The following GABRR2 variants were observed in gnomAD, a reference collection of about 807,000 sequenced individuals.
The protein encoded by GABRR2 is gamma-aminobutyric acid type A receptor subunit rho2.
A neutral mutation model predicts 47.0 loss-of-function variants in GABRR2; 36 were observed. The ratio of observed to expected loss-of-function variants is 0.77; its 90% CI spans 0.59 to 1.01. The LOEUF (loss-of-function observed/expected upper bound fraction) is 1.01. Among genes scored for constraint, GABRR2 ranks in the 50% least tolerant of loss-of-function variants. The pLI is 0.00. For missense variants in GABRR2, 587 were observed against 594.6 expected (o/e 0.99, Z 0.13); for synonymous variants, 204 against 227.5 (o/e 0.90, Z 0.93).
intron 4 of GABRR2, among the ~76,000 whole-genome samples, chr6:89,268,518 G>A (rs1054562590): frequency 4.6e-5 from 7 of 152,144 alleles, no homozygotes; most frequent in Non-Finnish European, 7.3e-5. Context: ...GGGGATGTGG[G>A]ACAATGAGCT....
chr6:89,312,943 C>T (rs549743338), intron 1 of GABRR2, among the ~76,000 whole-genome samples: 8 of 152,302 alleles, frequency 5.3e-5, no homozygotes, highest in African/African-American at 1.2e-4. Flanking sequence ...GGCTCATGCG[C>T]GGGTTTGGGA....
intron 1 of GABRR2, among the ~76,000 whole-genome samples, chr6:89,312,634 C>T (rs981874047): frequency 1.3e-5 from 2 of 152,132 alleles, no homozygotes; most frequent in Non-Finnish European, 2.9e-5. Flanking sequence ...CTTATTTGTT[C>T]GTATAGCTTG....
intron 2 of GABRR2, among the ~76,000 whole-genome samples, chr6:89,275,965 A>C (rs1774151352): frequency 6.6e-6 from 1 of 151,966 alleles, no homozygotes; most frequent in African/African-American, 2.4e-5. Context: ...GCCACCAGGC[A>C]CCTGGCAGAA....
Position 89,269,077 on chromosome 6 carries a change from T to A in GABRR2, c.446A>T (p.His149Leu). ...FFVHSKRSFT[H>L]DTTTDNIMLR... is the part of the protein sequence containing the mutation. ...CATGATGTTGTCAGTGGTGGTGTCA[T>A]GAGTGAACGATCTTTTGGAGTGAAC... Residue 149 changes from histidine to leucine, a missense_variant, in exon 4 of 9, where the codon CAT becomes CTT. His to Leu is a moderately conservative substitution (Grantham distance 99, BLOSUM62 -3). Coordinates refer to ENST00000402938, the MANE Select transcript of GABRR2 (RefSeq NM_002043.5). 1 of 1,614,036 alleles carries A rather than the reference T, an allele frequency of 6.2e-7. No homozygotes were observed. Among genetic ancestry groups the A allele is most frequent in the Non-Finnish European group, 8.5e-7 (1 of 1,179,888 alleles).
At chr6:89,296,962 A>G (rs995511741) in intron 2 of GABRR2, among the ~76,000 whole-genome samples, 1 of 152,206 alleles carries the variant, frequency 6.6e-6, no homozygotes, top group East Asian at 1.9e-4. Flanking sequence ...CTTCTTCTAC[A>G]TACTGAAGGT....
rs1582463362 is a variant in GABRR2 at position 89,302,031 on chromosome 6, T to G, written c.114-2166A>C. 18 of 671,928 alleles carry G rather than the reference T, an allele frequency of 2.7e-5. No homozygotes were observed. In the East Asian group the frequency reaches 4.7e-4, roughly 18 times the overall value. 41.6% of individuals were successfully genotyped at this position (671,928 alleles called of 1,614,324 possible). A position where few individuals can be genotyped will look rare whatever the true frequency, so the allele number is the denominator to read the frequency against. On this transcript the variant is annotated intron_variant, in intron 1 of 8. Coordinates refer to ENST00000402938, the MANE Select transcript of GABRR2 (RefSeq NM_002043.5). ...GTCGGCTCGGGGCCTTTTGGACATT[T>G]TTTCAGGCCTGACAATTTAATCTTT... is the stretch of plus-strand genomic sequence containing the variant.
At position 89,264,628 on chromosome 6, in the gene GABRR2, T is replaced by C. The variant is rs755321184; in HGVS notation, c.890-20A>G. The C allele has an allele frequency of 6.2e-7, 1 of 1,613,388 alleles. No homozygotes were observed. Among genetic ancestry groups the C allele is most frequent in the Non-Finnish European group, 8.5e-7 (1 of 1,179,570 alleles). On this transcript the variant is annotated intron_variant, in intron 7 of 8. Transcript: ENST00000402938. ...TGATACCTGCAACACCCGGCCTTAG[T>C]TGGGCTGCTGACAGCGGTCTAGAAC...
chr6:89,296,840 G>A (rs1774563514), intron 2 of GABRR2, among the ~76,000 whole-genome samples: 1 of 152,220 alleles, frequency 6.6e-6, no homozygotes, highest in Non-Finnish European at 1.5e-5. Context: ...GCTAGCTCCT[G>A]GTGGGAGCAT....
At chr6:89,310,391 G>A (rs1767660794) in intron 1 of GABRR2, among the ~76,000 whole-genome samples, 3 of 152,140 alleles carry the variant, frequency 2.0e-5, no homozygotes, top group Admixed American at 1.3e-4. Flanking sequence ...AAAGTACTCT[G>A]GTTTTCCTCC....
intron 1 of GABRR2, 114 bp from the exon 2 acceptor site, chr6:89,299,979 ACTT>A (rs1025189182): frequency 1.5e-6 from 1 of 688,010 alleles, no homozygotes; most frequent in Non-Finnish European, 2.6e-6. Context: ...TCTCCATTCT[ACTT>A]CTTGGCCCAG....
At chr6:89,266,230 A>T (rs1298893124) in intron 6 of GABRR2, among the ~76,000 whole-genome samples, 3 of 151,802 alleles carry the variant, frequency 2.0e-5, no homozygotes, top group Non-Finnish European at 4.4e-5. Context: ...GCCCAGCTAA[A>T]TTTTTTTTCT....
At chr6:89,310,596 C>A (rs2127851854) in intron 1 of GABRR2, among the ~76,000 whole-genome samples, 1 of 152,232 alleles carries the variant, frequency 6.6e-6, no homozygotes, top group Non-Finnish European at 1.5e-5. Flanking sequence ...TACTCTCAAC[C>A]TTTATATCTG....
At chr6:89,286,828 C>T (rs145519253) in intron 2 of GABRR2, among the ~76,000 whole-genome samples, 14 of 152,228 alleles carry the variant, frequency 9.2e-5, no homozygotes, top group South Asian at 2.1e-4. Flanking sequence ...TGTCAGGTTG[C>T]GGCTTGTGTT....
chr6:89,299,984 T>C lies in GABRR2; in HGVS notation c.114-119A>G, dbSNP rs1414196525. Reference sequence around the variant, plus strand: ...AGGTACCTTTTCTCCATTCTACTTCTTGGCCCAGGGGAGAAGGAGGGCTGA... The same window carrying C: ...AGGTACCTTTTCTCCATTCTACTTCCTGGCCCAGGGGAGAAGGAGGGCTGA... On this transcript the variant is annotated intron_variant, in intron 1 of 8. Transcript: ENST00000402938. 1.8e-5 allele frequency: 12 copies of C among 675,218 alleles called. No homozygotes were observed. In the South Asian group the frequency reaches 1.9e-4, roughly 11 times the overall value. 41.8% of individuals were successfully genotyped at this position (675,218 alleles called of 1,614,324 possible). A position where few individuals can be genotyped will look rare whatever the true frequency, so the allele number is the denominator to read the frequency against.
chr6:89,314,853 G>A (rs960677725), intron 1 of GABRR2, among the ~76,000 whole-genome samples, 200 bp downstream of exon 1: 1 of 152,200 alleles, frequency 6.6e-6, no homozygotes, highest in African/African-American at 2.4e-5. Flanking sequence ...GCTCATCCCA[G>A]TCTAGTTCTG....
At chr6:89,309,627 G>C (rs1171974720) in intron 1 of GABRR2, among the ~76,000 whole-genome samples, 1 of 152,120 alleles carries the variant, frequency 6.6e-6, no homozygotes, top group Non-Finnish European at 1.5e-5. Context: ...GCATAATTGA[G>C]CAGAAGGTAC....
At chr6:89,294,172 G>A (rs1774517335) in intron 2 of GABRR2, among the ~76,000 whole-genome samples, 3 of 152,002 alleles carry the variant, frequency 2.0e-5, no homozygotes, top group African/African-American at 7.3e-5. Flanking sequence ...TTGAGCCAGA[G>A]TCTCACTCGT....
intron 6 of GABRR2, among the ~76,000 whole-genome samples, chr6:89,266,896 C>G (rs1283348639): frequency 6.6e-6 from 1 of 151,878 alleles, no homozygotes; most frequent in Non-Finnish European, 1.5e-5. Flanking sequence ...TCATAGCTCA[C>G]TGCAGCCTCA....
intron 2 of GABRR2, among the ~76,000 whole-genome samples, chr6:89,292,794 T>G (rs1231938045): frequency 4.6e-5 from 1 of 21,906 alleles, no homozygotes; most frequent in Non-Finnish European, 7.1e-5. Flanking sequence ...ATACGATATA[T>G]CGTATATATC....
Sources: allele counts gnomAD v4.1 joint callset (sites outside exome capture counted in the v4.1 genomes callset), GRCh38; gene constraint gnomAD v4.1.1; transcripts MANE v1.5; gene names NCBI Gene and HGNC (gene_info 2026-07-23, HGNC 2026-07-21).